SYNE2: variants seen among roughly 807,000 people sequenced by gnomAD.
The protein encoded by SYNE2 is spectrin repeat containing nuclear envelope protein 2.
In SYNE2, 431 loss-of-function variants were observed where a neutral mutation model predicts 856.3. That is an observed-to-expected ratio of 0.50 (90% CI 0.47 to 0.55). SYNE2 has a LOEUF of 0.55. Ranked by LOEUF, SYNE2 falls within the 20% of genes least tolerant of loss-of-function variation. SYNE2 has a pLI of 0.00. For missense variants in SYNE2, 8,129 were observed against 8,023.2 expected (o/e 1.01, Z -0.50); for synonymous variants, 2,923 against 2,872.3 (o/e 1.02, Z -0.56).
intron 1 of SYNE2, among the ~76,000 whole-genome samples, chr14:63,884,563 C>G (rs182883493): frequency 7.9e-4 from 120 of 152,178 alleles, no homozygotes; most frequent in African/African-American, 2.7e-3. Context: ...TAGTGGGCAC[C>G]AAGGCCAATC....
intron 96 of SYNE2, among the ~76,000 whole-genome samples, chr14:64,185,519 C>CTTTTTTTTTTTTT (rs66490444): frequency 1.2e-4 from 9 of 77,472 alleles, no homozygotes; most frequent in Non-Finnish European, 1.7e-4. Flanking sequence ...TTTTCTTTTT[C>CTTTTTTTTTTTTT]TTTTTTTTTT....
chr14:64,214,979 G>C (rs752680945), intron 106 of SYNE2, among the ~76,000 whole-genome samples: 18 of 152,056 alleles, frequency 1.2e-4, no homozygotes, highest in Non-Finnish European at 1.9e-4. Flanking sequence ...GGCTCAAGAA[G>C]TCCTCCCGCC....
chr14:64,144,274 A>G (rs2098163851), intron 83 of SYNE2, among the ~76,000 whole-genome samples: 2 of 152,218 alleles, frequency 1.3e-5, no homozygotes, highest in African/African-American at 4.8e-5. Context: ...CAGATGTTCA[A>G]AAGGGGCAAA....
At chr14:63,984,840 A>G (rs2096612774) in intron 18 of SYNE2, among the ~76,000 whole-genome samples, 1 of 152,210 alleles carries the variant, frequency 6.6e-6, no homozygotes, top group Non-Finnish European at 1.5e-5. Flanking sequence ...TGTGCTTAAA[A>G]TACTAGAGTC....
chr14:63,841,606 C>T (rs1890066840), intron 1 of SYNE2, among the ~76,000 whole-genome samples: 1 of 152,128 alleles, frequency 6.6e-6, no homozygotes, highest in Non-Finnish European at 1.5e-5. Context: ...ATTTTGCACT[C>T]TCAGCAACAA....
intron 61 of SYNE2, among the ~76,000 whole-genome samples, chr14:64,096,469 C>G (rs1242262035): frequency 1.3e-5 from 2 of 152,124 alleles, no homozygotes; most frequent in African/African-American, 2.4e-5. Context: ...AGCAGCTGCT[C>G]CATGTAGGAC....
chr14:64,078,670 C>G (rs1053501103), intron 55 of SYNE2, 64 bp downstream of exon 55: 1 of 1,578,700 alleles, frequency 6.3e-7, no homozygotes, highest in African/African-American at 1.3e-5. Flanking sequence ...CCTTGTTCAT[C>G]AGTCACCACA....
chr14:64,115,417 C>T (rs765889318), intron 66 of SYNE2, among the ~76,000 whole-genome samples: 1 of 151,954 alleles, frequency 6.6e-6, no homozygotes, highest in Non-Finnish European at 1.5e-5. Flanking sequence ...AGAGGAGAAA[C>T]GGAGAGGGAA....
intron 63 of SYNE2, chr14:64,099,904 C>G (rs1284835145): frequency 6.6e-6 from 1 of 152,146 alleles, no homozygotes; most frequent in Admixed American, 6.5e-5. Flanking sequence ...TCCCCCTCCC[C>G]CTAACCCACA....
chr14:64,080,509 T>C lies in SYNE2; in HGVS notation c.11217T>C (p.Ser3739=). The C allele has an allele frequency of 6.2e-7, 1 of 1,614,242 alleles. No homozygotes were observed. The highest frequency in any genetic ancestry group is 2.2e-5 in the East Asian group (1 of 44,884). ...LWHSKLNELD[S]EVQDIVEQDP... ...ATTCCAAACTAAATGAGCTGGATTC[T>C]GAAGTTCAGGACATTGTTGAACAGG... is the stretch of plus-strand genomic sequence containing the variant. The change falls in exon 56 of 116, where the codon TCT becomes TCC. Residue 3739 remains serine, a synonymous_variant. Coordinates refer to ENST00000555002, the MANE Select transcript of SYNE2 (RefSeq NM_182914.3).
chr14:63,964,217 G>C (rs925518145), intron 10 of SYNE2, among the ~76,000 whole-genome samples: 4 of 152,346 alleles, frequency 2.6e-5, no homozygotes, highest in African/African-American at 9.6e-5. Flanking sequence ...TAGTTCTGGG[G>C]CAGGGCCCAA....
At chr14:64,119,893 G>A (rs1052743394) in intron 67 of SYNE2, among the ~76,000 whole-genome samples, 1 of 152,156 alleles carries the variant, frequency 6.6e-6, no homozygotes, top group African/African-American at 2.4e-5. Flanking sequence ...CTAGTGTAAG[G>A]CTTCTTCGTA....
chr14:64,188,976 C>T, intron 98 of SYNE2: 8 of 702,396 alleles, frequency 1.1e-5, no homozygotes, highest in Non-Finnish European at 1.6e-5. Context: ...AGGGAAGGGG[C>T]TTACATATCC....
rs199940876 is a variant in SYNE2 at position 64,136,390 on chromosome 14, A to AT, written c.14647-1388dup. On this transcript the variant is annotated intron_variant, in intron 78 of 115. Transcript: ENST00000555002. ...GCACTTCACTTAGAAAATTAGACTG[A>AT]TTTTTTTTTCTTTTAATACAGATGC... is the stretch of plus-strand genomic sequence containing the variant. Among the ~76,000 whole-genome samples the AT allele has an allele frequency of 0.012, 1,792 of 146,712 alleles. 71 individuals are homozygous for AT. The East Asian group carries it at 0.12, about 10-fold the overall frequency.
chr14:63,863,806 G>A (rs1303705117), intron 1 of SYNE2, among the ~76,000 whole-genome samples: 3 of 152,038 alleles, frequency 2.0e-5, no homozygotes, highest in Non-Finnish European at 2.9e-5. Flanking sequence ...TTAAAGATAT[G>A]TTTTATTTTT....
At position 64,031,033 on chromosome 14, in the gene SYNE2, C is replaced by T; in HGVS notation, c.6897C>T (p.Leu2299=). Reference sequence around the variant, plus strand: ...ACTCGTAGGAACTAGAGAATAGACTCAGTTTACAAGATGGCACATTAAAGA... The same window carrying T: ...ACTCGTAGGAACTAGAGAATAGACTTAGTTTACAAGATGGCACATTAAAGA... ...LQKLQELENR[L]SLQDGTLKKI... Residue 2299 remains leucine (L), a synonymous_variant, in exon 45 of 116, where the codon CTC becomes CTT. Coordinates refer to ENST00000555002, the MANE Select transcript of SYNE2 (RefSeq NM_182914.3). 1 of 1,613,694 alleles carries T rather than the reference C, an allele frequency of 6.2e-7. No individual in the cohort carries two copies. Among genetic ancestry groups the T allele is most frequent in the Non-Finnish European group, 8.5e-7 (1 of 1,179,776 alleles).
chr14:64,151,819 T>C (rs971194675), intron 84 of SYNE2, among the ~76,000 whole-genome samples: 3 of 152,200 alleles, frequency 2.0e-5, no homozygotes, highest in Non-Finnish European at 4.4e-5. Flanking sequence ...ATGTAATGCT[T>C]TAATAATTTT....
chr14:63,791,351 C>CA (rs1391446559), intron 1 of SYNE2, among the ~76,000 whole-genome samples: 2 of 152,282 alleles, frequency 1.3e-5, no homozygotes, highest in East Asian at 3.9e-4. Context: ...AATGTAACAA[C>CA]ATTTCCTTAT....
chr14:64,169,053 C>T, intron 93 of SYNE2, 82 bp downstream of exon 93: 1 of 1,105,038 alleles, frequency 9.0e-7, no homozygotes, highest in South Asian at 1.3e-5. Context: ...ACCATGTGAA[C>T]CTTGACCATG....
Sources: gnomAD v4.1 joint callset for allele counts (sites outside exome capture counted in the v4.1 genomes callset) on GRCh38, gnomAD v4.1.1 for gene constraint, MANE v1.5 for transcripts, NCBI Gene and HGNC (gene_info 2026-07-23, HGNC 2026-07-21) for gene names.